The following PPP1R14C variants were observed in gnomAD, a reference collection of about 807,000 sequenced individuals.
The protein encoded by PPP1R14C is protein phosphatase 1 regulatory inhibitor subunit 14C.
PPP1R14C carries 16 observed loss-of-function variants against 20.4 expected under a neutral mutation model. The ratio of observed to expected loss-of-function variants is 0.78; its 90% CI spans 0.53 to 1.19. The LOEUF (loss-of-function observed/expected upper bound fraction) is 1.19. Among genes scored for constraint, PPP1R14C ranks in the 50% most tolerant of loss-of-function variants. PPP1R14C has a pLI of 0.00. For synonymous variants in PPP1R14C, 91 were observed against 91.0 expected (o/e 1.00, Z 0.00); for missense variants, 211 against 220.1 (o/e 0.96, Z 0.26).
chr6:150,212,638 A>G (rs1280692223), intron 1 of PPP1R14C, among the ~76,000 whole-genome samples: 1 of 152,234 alleles, frequency 6.6e-6, no homozygotes, highest in African/African-American at 2.4e-5. Flanking sequence ...AAGGAGCCAC[A>G]GTGGTATAGC....
rs141426045 is a variant in PPP1R14C, at chr6:150,182,858, C to T, written c.307-31886C>T. ...ACACACGCCTAGATGGTACAGCCTACGACACACCTAGGTTCTATGGCACAG... is the reference window on the plus strand; with the variant it reads ...ACACACGCCTAGATGGTACAGCCTATGACACACCTAGGTTCTATGGCACAG... On this transcript the variant is annotated intron_variant, in intron 1 of 3. Transcript: ENST00000361131. Among the ~76,000 whole-genome samples the T allele has an allele frequency of 6.3e-3, 963 of 152,296 alleles. 8 individuals are homozygous for T. Among genetic ancestry groups the T allele is most frequent in the African/African-American group, 0.022 (915 of 41,558 alleles).
intron 1 of PPP1R14C, among the ~76,000 whole-genome samples, chr6:150,145,159 T>A (rs573967730): frequency 1.6e-4 from 24 of 152,334 alleles, no homozygotes; most frequent in African/African-American, 5.3e-4. Context: ...TGATAAACAA[T>A]ATATTTAAAA....
rs562125615 is a variant in PPP1R14C at position 150,234,420 on chromosome 6, A to C, written c.424-14326A>C. The stretch of plus-strand genomic sequence containing the variant: ...TCAAAAGAAACAAACAACAAAAAAA[A>C]GACCATAAAATTACTTGTGCAATTT... On this transcript the variant is annotated intron_variant, in intron 3 of 3. Transcript: ENST00000361131. Among the ~76,000 whole-genome samples the C allele has an allele frequency of 2.3e-3, 357 of 152,202 alleles. 3 individuals are homozygous for C. The highest frequency in any genetic ancestry group is 8.4e-3 in the African/African-American group (347 of 41,440).
chr6:150,215,722 A>G (rs1248958463), intron 2 of PPP1R14C, among the ~76,000 whole-genome samples: 1 of 152,236 alleles, frequency 6.6e-6, no homozygotes, highest in Non-Finnish European at 1.5e-5. Flanking sequence ...GTTCTATAGA[A>G]AATGTAATGA....
chr6:150,232,795 T>C (rs1237756586), intron 3 of PPP1R14C, among the ~76,000 whole-genome samples: 1 of 152,246 alleles, frequency 6.6e-6, no homozygotes, highest in Non-Finnish European at 1.5e-5. Context: ...TTAGAATAAG[T>C]TCTTAATAAA....
intron 3 of PPP1R14C, among the ~76,000 whole-genome samples, chr6:150,245,741 C>T (rs1778482962): frequency 6.6e-6 from 1 of 152,184 alleles, no homozygotes; most frequent in African/African-American, 2.4e-5. Flanking sequence ...CAAGAGCCAT[C>T]AAAGTATTCT....
At chr6:150,146,043 A>G (rs1403930662) in intron 1 of PPP1R14C, among the ~76,000 whole-genome samples, 1 of 152,230 alleles carries the variant, frequency 6.6e-6, no homozygotes, top group Non-Finnish European at 1.5e-5. Context: ...GGAAGTGTGC[A>G]GTGACTAATC....
In PPP1R14C at chr6:150,143,510, C is replaced by CG. The variant is rs765356283; in HGVS notation, c.306+16dup. The CG allele has an allele frequency of 4.5e-6, 3 of 666,938 alleles. No individual in the cohort carries two copies. The highest frequency in any genetic ancestry group is 4.3e-5 in the South Asian group (3 of 69,068). 41.3% of individuals were successfully genotyped at this position (666,938 alleles called of 1,614,324 possible). A position where few individuals can be genotyped will look rare whatever the true frequency, so the allele number is the denominator to read the frequency against. On this transcript the variant is annotated intron_variant, in intron 1 of 3. Transcript: ENST00000361131. This position sits in a 1 kb window ranked among gnomAD's most constrained non-coding sequence, Gnocchi z 5.6. Reference sequence around the variant, plus strand: ...TCTACGGCTGCGAGGTACCTGGGCGCGGGGCTGGGAGGGTCGGGGACCTCT... The same window carrying CG: ...TCTACGGCTGCGAGGTACCTGGGCGCGGGGGCTGGGAGGGTCGGGGACCTCT...
intron 1 of PPP1R14C, among the ~76,000 whole-genome samples, chr6:150,174,002 T>C (rs190951817): frequency 0.012 from 1,807 of 149,314 alleles, 35 homozygotes; most frequent in African/African-American, 0.042. Context: ...TTTGCTTATT[T>C]GGCACCTCTC....
At position 150,214,808 on chromosome 6, in the gene PPP1R14C, A is replaced by G. The variant is rs748537337; in HGVS notation, c.371A>G (p.Glu124Gly). ...DDLLDADSDE[E>G]RASKLQEALV... Reference sequence around the variant, plus strand: ...CTTCTTGATGCAGACAGTGATGAAGAGAGAGCTTCAAAATTACAGGTAAGC... The same window carrying G: ...CTTCTTGATGCAGACAGTGATGAAGGGAGAGCTTCAAAATTACAGGTAAGC... The change falls in exon 2 of 4, where the codon GAG (glutamate) becomes GGG (glycine). Residue 124 changes from glutamate to glycine, a missense_variant. Physicochemically the swap from Glu to Gly is moderately conservative, Grantham distance 98. Coordinates refer to ENST00000361131, the MANE Select transcript of PPP1R14C (RefSeq NM_030949.3). The G allele has an allele frequency of 1.2e-6, 2 of 1,610,862 alleles. No homozygotes were observed. Among genetic ancestry groups the G allele is most frequent in the East Asian group, 4.5e-5 (2 of 44,712 alleles).
In PPP1R14C at chr6:150,249,138, A is replaced by G; in HGVS notation, c.*318A>G. On this transcript the variant is annotated 3_prime_UTR_variant, in exon 4 of 4. Transcript: ENST00000361131. The stretch of plus-strand genomic sequence containing the variant: ...CAGGCTGCGTTTCCTGCAAGGACTC[A>G]GATGTTCAGTACCTTATGATACAGG... The G allele has an allele frequency of 2.4e-6, 1 of 414,452 alleles. No homozygotes were observed. Among genetic ancestry groups the G allele is most frequent in the Non-Finnish European group, 4.2e-6 (1 of 235,566 alleles). 25.7% of individuals were successfully genotyped at this position (414,452 alleles called of 1,614,324 possible).
chr6:150,143,185 G>A lies in PPP1R14C; in HGVS notation c.-8G>A. ...CCGGGCCGCACTGAGGCTCGGGCGC[G>A]CGGGGACATGTCGGTGGCGACGGGC... On this transcript the variant is annotated 5_prime_UTR_variant, in exon 1 of 4. Transcript: ENST00000361131. The surrounding 1 kb of genome is among the most constrained non-coding windows in gnomAD (Gnocchi z 5.6). The A allele has an allele frequency of 7.5e-7, 1 of 1,325,660 alleles. No individual in the cohort carries two copies. Among genetic ancestry groups the A allele is most frequent in the Non-Finnish European group, 9.5e-7 (1 of 1,047,200 alleles). The allele number at this position is 1,325,660 out of a possible 1,614,324, so 82.1% of individuals were successfully genotyped here.
chr6:150,196,184 C>T (rs1777802589), intron 1 of PPP1R14C: 2 of 933,938 alleles, frequency 2.1e-6, no homozygotes, highest in African/African-American at 3.6e-5. Context: ...CTGCCTGGAA[C>T]AGCCTAGAAA....
intron 3 of PPP1R14C, among the ~76,000 whole-genome samples, chr6:150,241,748 A>G (rs1778433383): frequency 6.6e-6 from 1 of 152,182 alleles, no homozygotes; most frequent in African/African-American, 2.4e-5. Flanking sequence ...TTAGCTGGGC[A>G]TGGTGGCACA....
At chr6:150,155,287 A>G (rs1777293593) in intron 1 of PPP1R14C, among the ~76,000 whole-genome samples, 2 of 152,228 alleles carry the variant, frequency 1.3e-5, no homozygotes, top group African/African-American at 4.8e-5. Context: ...GAAAAACTTA[A>G]GATTTTTTAT....
intron 1 of PPP1R14C, among the ~76,000 whole-genome samples, chr6:150,181,920 A>T (rs1266699632): frequency 1.3e-5 from 2 of 152,208 alleles, no homozygotes; most frequent in East Asian, 3.8e-4. Context: ...GATTTGCAGT[A>T]TGTTTATCCC....
At chr6:150,151,537 G>T (rs1004892480) in intron 1 of PPP1R14C, among the ~76,000 whole-genome samples, 1 of 151,998 alleles carries the variant, frequency 6.6e-6, no homozygotes, top group Non-Finnish European at 1.5e-5. Flanking sequence ...TTCAAATTAC[G>T]GCAACCACTC....
At chr6:150,214,002 C>T (rs1030848022) in intron 1 of PPP1R14C, among the ~76,000 whole-genome samples, 2 of 152,212 alleles carry the variant, frequency 1.3e-5, no homozygotes, top group Non-Finnish European at 2.9e-5. Context: ...CCAAAACAGC[C>T]TTTCTTCAGG....
intron 1 of PPP1R14C, among the ~76,000 whole-genome samples, chr6:150,207,564 G>A (rs1426761265): frequency 6.6e-6 from 1 of 152,234 alleles, no homozygotes; most frequent in Non-Finnish European, 1.5e-5. Flanking sequence ...AGCCACAACT[G>A]TAGAGGATAT....
Sources: gnomAD v4.1 joint callset for allele counts (sites outside exome capture counted in the v4.1 genomes callset) on GRCh38, gnomAD v4.1.1 for gene constraint, Gnocchi (gnomAD v3.1) non-coding constraint, MANE v1.5 for transcripts, NCBI Gene and HGNC (gene_info 2026-07-23, HGNC 2026-07-21) for gene names.